THAP9: variants seen among roughly 807,000 people sequenced by gnomAD.
THAP9 encodes DNA transposase THAP9.
Under a neutral mutation model 35.7 loss-of-function variants are expected in THAP9, and 20 were observed. That is an observed-to-expected ratio of 0.56 (90% CI 0.39 to 0.81). The LOEUF is 0.81. Among genes scored for constraint, THAP9 ranks in the 40% least tolerant of loss-of-function variants. THAP9 has a pLI of 0.00. For missense variants in THAP9, 870 were observed against 1,047.4 expected, an observed-to-expected ratio of 0.83 and a Z score of 2.34; for synonymous variants, 335 against 373.7, an observed-to-expected ratio of 0.90 and a Z score of 1.19.
Position 82,918,860 on chromosome 4 carries a change from G to C in THAP9, c.2648G>C (p.Ser883Thr). 2 of 1,612,680 alleles carry C rather than the reference G, an allele frequency of 1.2e-6. No individual in the cohort carries two copies. The highest frequency in any genetic ancestry group is 1.7e-6 in the Non-Finnish European group (2 of 1,179,424). The stretch of plus-strand genomic sequence containing the variant: ...TCTGTACAGGATTATAAATGTTCAA[G>C]TTTTGCTAATACCAGTAGTAAATTC... ...WSSVQDYKCS[S>T]FANTSSKFRH... The change falls in exon 5 of 5, where the codon AGT (serine) becomes ACT (threonine). Residue 883 changes from serine to threonine, a missense_variant. Ser to Thr is a moderately conservative substitution (Grantham distance 58, BLOSUM62 1). Transcript: ENST00000302236.
chr4:82,915,131 TC>T (rs1409802998), intron 4 of THAP9, among the ~76,000 whole-genome samples: 1 of 152,228 alleles, frequency 6.6e-6, no homozygotes, highest in Non-Finnish European at 1.5e-5. Flanking sequence ...TGGCCTTATT[TC>T]CGGTTTGCCC....
chr4:82,910,645 A>C (rs182806642), intron 4 of THAP9: 1 of 499,204 alleles, frequency 2.0e-6, no homozygotes. Context: ...TAAGTATTAG[A>C]TCTTTATAAT....
intron 2 of THAP9, 91 bp downstream of exon 2, chr4:82,905,022 CAAAA>C: frequency 1.7e-6 from 2 of 1,186,846 alleles, no homozygotes; most frequent in East Asian, 2.5e-5. Context: ...AATTTGCAGA[CAAAA>C]AAACCCAAGT....
intron 4 of THAP9, among the ~76,000 whole-genome samples, chr4:82,910,478 TTA>T (rs1158399756): frequency 6.6e-6 from 1 of 151,056 alleles, no homozygotes; most frequent in African/African-American, 2.4e-5. Context: ...AAATTTTGTT[TTA>T]GTGTTCTGTT....
chr4:82,903,149 T>A (rs1383892468), intron 1 of THAP9, among the ~76,000 whole-genome samples: 1 of 152,256 alleles, frequency 6.6e-6, no homozygotes, highest in East Asian at 1.9e-4. Context: ...TATAAGTCTG[T>A]CTCTAAGATA....
At position 82,900,809 on chromosome 4, in the gene THAP9, C is replaced by G. The variant is rs763285885; in HGVS notation, c.7C>G (p.Arg3Gly). Residue 3 changes from arginine to glycine, a missense_variant, in exon 1 of 5, where the codon CGA becomes GGA. Arg to Gly is a moderately radical substitution (Grantham distance 125). This residue lies in a region of THAP9 where 440 missense variants were observed against 501.2 expected (regional missense o/e 0.88). Transcript: ENST00000302236. Reference protein sequence around the residue: MTRSCSAVGCSTR... With the variant: MTGSCSAVGCSTR... ...GGCCCCACGTAACAAGAAGATGACCCGAAGTTGCTCCGCAGTGGGCTGCAG... is the reference window on the plus strand; with the variant it reads ...GGCCCCACGTAACAAGAAGATGACCGGAAGTTGCTCCGCAGTGGGCTGCAG... 1.1e-5 allele frequency: 17 copies of G among 1,613,698 alleles called. No homozygotes were observed. Among genetic ancestry groups the G allele is most frequent in the East Asian group, 2.2e-5 (1 of 44,876 alleles).
rs528412505 is a variant in THAP9 at position 82,909,601 on chromosome 4, A to G, written c.731+1666A>G. 3.3e-4 allele frequency among the ~76,000 whole-genome samples: 51 copies of G among 152,260 alleles called. No homozygotes were observed. The South Asian group carries it at 9.7e-3, about 29-fold the overall frequency. ...GCATGATATCAGGTAGTCCTACCCT[A>G]CTTAACTCTGACATTCTCCAGCTAT... On this transcript the variant is annotated intron_variant, in intron 4 of 4. Transcript: ENST00000302236.
chr4:82,912,638 G>A (rs748347895), intron 4 of THAP9, among the ~76,000 whole-genome samples: 2 of 152,128 alleles, frequency 1.3e-5, no homozygotes, highest in Non-Finnish European at 2.9e-5. Flanking sequence ...AATATGAATT[G>A]CACAATTATG....
rs1333176528 is a variant in THAP9 at position 82,908,178 on chromosome 4, C to G, written c.731+243C>G. Reference sequence around the variant, plus strand: ...CTTCTAGGTAGTATTTGCCAATTATCACAACAGCAATATTTTCACCAACAA... The same window carrying G: ...CTTCTAGGTAGTATTTGCCAATTATGACAACAGCAATATTTTCACCAACAA... On this transcript the variant is annotated intron_variant, in intron 4 of 4. Transcript: ENST00000302236. 2.6e-5 allele frequency among the ~76,000 whole-genome samples: 4 copies of G among 152,256 alleles called. No individual in the cohort carries two copies. In the South Asian group the frequency reaches 6.2e-4, roughly 24 times the overall value.
chr4:82,901,219 G>T, intron 1 of THAP9: 1 of 549,294 alleles, frequency 1.8e-6, no homozygotes, highest in East Asian at 4.4e-5. Flanking sequence ...CGGTTGAAGT[G>T]TGTGTGTGGC....
chr4:82,904,783 A>C lies in THAP9; in HGVS notation c.128A>C (p.Asn43Thr). ...IQRSKWIRAVNRVDPRSKKIW... is the reference protein window; with the variant it reads ...IQRSKWIRAVTRVDPRSKKIW... ...CGCTCAAAATGGATCAGGGCTGTTA[A>C]TCGTGTGGACCCCAGAAGCAAAAAG... Residue 43 changes from asparagine (N) to threonine (T), a missense_variant, in exon 2 of 5, where the codon AAT (asparagine) becomes ACT (threonine). By Grantham distance (65) the Asn-to-Thr change is moderately conservative (BLOSUM62 0). Transcript: ENST00000302236. The C allele has an allele frequency of 1.2e-6, 2 of 1,614,146 alleles. No individual in the cohort carries two copies. The highest frequency in any genetic ancestry group is 1.7e-6 in the Non-Finnish European group (2 of 1,180,010).
chr4:82,900,940 G>A, intron 1 of THAP9, 58 bp downstream of exon 1: 2 of 1,596,520 alleles, frequency 1.3e-6, no homozygotes, highest in Non-Finnish European at 1.7e-6. Flanking sequence ...GGCGGGCCGT[G>A]GCGTGGCGTG....
At chr4:82,910,824 C>A in intron 4 of THAP9, 1 of 409,076 alleles carries the variant, frequency 2.4e-6, no homozygotes, top group Non-Finnish European at 5.0e-6. Flanking sequence ...AAGATGAGGA[C>A]AGAGAATTGA....
At chr4:82,912,963 C>G (rs986340112) in intron 4 of THAP9, among the ~76,000 whole-genome samples, 1 of 152,074 alleles carries the variant, frequency 6.6e-6, no homozygotes, top group Non-Finnish European at 1.5e-5. Flanking sequence ...AAAATAGATT[C>G]AGTATACAAT....
chr4:82,906,347 A>T lies in THAP9; in HGVS notation c.300A>T (p.Lys100Asn). 6.2e-7 allele frequency: 1 copy of T among 1,601,778 alleles called. No homozygotes were observed. The highest frequency in any genetic ancestry group is 8.5e-7 in the Non-Finnish European group (1 of 1,174,016). Residue 100 changes from lysine (K) to asparagine (N), a missense_variant, in exon 3 of 5, where the codon AAA (lysine) becomes AAT (asparagine). Physicochemically the swap from Lys to Asn is moderately conservative, Grantham distance 94. This residue lies in a region of THAP9 where 440 missense variants were observed against 501.2 expected (regional missense o/e 0.88). Coordinates refer to ENST00000302236, the MANE Select transcript of THAP9 (RefSeq NM_024672.6). ...AGATTCCTCAAGGTGTACATCTTAA[A>T]GGTAAAGCAAGACAAAAAATCCTAA... ...LYKIPQGVHL[K>N]GKARQKILKQ...
chr4:82,913,427 G>A (rs1453481689), intron 4 of THAP9: 1 of 152,032 alleles, frequency 6.6e-6, no homozygotes, highest in African/African-American at 2.4e-5. Flanking sequence ...CATCCTTGGT[G>A]CTCATTTGAG....
In THAP9 at chr4:82,918,382, A is replaced by G; in HGVS notation, c.2170A>G (p.Asn724Asp). 2 of 1,614,154 alleles carry G rather than the reference A, an allele frequency of 1.2e-6. No homozygotes were observed. The highest frequency in any genetic ancestry group is 1.7e-6 in the Non-Finnish European group (2 of 1,179,992). The change falls in exon 5 of 5, where the codon AAC (asparagine) becomes GAC (aspartate). Residue 724 changes from asparagine to aspartate, a missense_variant. Around this residue, in one of 3 missense-constraint regions of THAP9, gnomAD observed 414 missense variants for 500.8 expected, o/e 0.83. Coordinates refer to ENST00000302236, the MANE Select transcript of THAP9 (RefSeq NM_024672.6). ...NLICYAGYVA[N>D]KLSALLTCED... is the part of the protein sequence containing the mutation. ...CATCTGTTATGCTGGTTATGTTGCAAACAAGTTATCAGCTCTTTTAACTTG... is the reference window on the plus strand; with the variant it reads ...CATCTGTTATGCTGGTTATGTTGCAGACAAGTTATCAGCTCTTTTAACTTG...
intron 2 of THAP9, 40 bp downstream of exon 2, chr4:82,904,971 A>G: frequency 6.9e-6 from 11 of 1,593,468 alleles, no homozygotes; most frequent in Non-Finnish European, 8.6e-6. Context: ...ATGAAAATTT[A>G]CAGAGCCTTT....
rs766575010 is a variant in THAP9, at chr4:82,918,541, C to T, written c.2329C>T (p.Arg777Ter). 3 of 1,614,028 alleles carry T rather than the reference C, an allele frequency of 1.9e-6. No homozygotes were observed. Among genetic ancestry groups the T allele is most frequent in the Admixed American group, 1.7e-5 (1 of 60,006 alleles). Reference protein sequence around the residue: ...SLCRVINICERVVRTHSRMAI... With the variant: ...SLCRVINICE ...GTGTCGGGTCATAAATATTTGTGAG[C>T]GAGTTGTAAGAACCCATTCAAGAAT... Residue 777 changes from arginine to a stop codon, truncating the protein, a stop_gained, in exon 5 of 5, where the codon CGA becomes TGA. Transcript: ENST00000302236. LOFTEE classifies it high-confidence loss of function.
Sources: gnomAD v4.1 joint callset for allele counts (sites outside exome capture counted in the v4.1 genomes callset) on GRCh38, gnomAD v4.1.1 for gene constraint, gnomAD v4.1.1 regional missense constraint, MANE v1.5 for transcripts, NCBI Gene and HGNC (gene_info 2026-07-23, HGNC 2026-07-21) for gene names.